The following ZKSCAN5 variants were observed in gnomAD, a reference collection of about 807,000 sequenced individuals.
ZKSCAN5 encodes the protein zinc finger with KRAB and SCAN domains 5, also known as zinc finger protein with KRAB and SCAN domains 5.
Under a neutral mutation model 60.0 loss-of-function variants are expected in ZKSCAN5, and 28 were observed. The ratio of observed to expected loss-of-function variants is 0.47; its 90% confidence interval spans 0.35 to 0.64. The LOEUF (loss-of-function observed/expected upper bound fraction) is 0.64, where lower values mean the gene tolerates loss of function less well. Among genes scored for constraint, ZKSCAN5 ranks in the 30% least tolerant of loss-of-function variants. The pLI is 0.01. For synonymous variants in ZKSCAN5, 361 were observed against 371.2 expected, an observed-to-expected ratio of 0.97 and a Z score of 0.31; for missense variants, 881 against 1,034.6, an observed-to-expected ratio of 0.85 and a Z score of 2.04.
chr7:99,507,543 GTA>G (rs1375290587), intron 2 of ZKSCAN5, among the ~76,000 whole-genome samples: 5 of 139,480 alleles, frequency 3.6e-5, no homozygotes, highest in South Asian at 2.1e-4. Flanking sequence ...ATATATATAT[GTA>G]TATATATGTA....
chr7:99,511,943 C>T lies in ZKSCAN5; in HGVS notation c.415-510C>T, dbSNP rs537525705. 6.6e-5 allele frequency among the ~76,000 whole-genome samples: 10 copies of T among 152,300 alleles called. No homozygotes were observed. The South Asian group carries it at 2.1e-3, about 32-fold the overall frequency. ...TAGCTGGGACTACAGGCGCCCACCA[C>T]CACACCCGGCTAATTTTTTTGTATT... On this transcript the variant is annotated intron_variant, in intron 2 of 6. Transcript: ENST00000326775.
intron 6 of ZKSCAN5, among the ~76,000 whole-genome samples, chr7:99,526,838 A>G (rs565176211): frequency 6.6e-6 from 1 of 152,330 alleles, no homozygotes; most frequent in Non-Finnish European, 1.5e-5. Flanking sequence ...TACAGGCATG[A>G]GCCACTGTGC....
intron 5 of ZKSCAN5, among the ~76,000 whole-genome samples, chr7:99,520,530 G>C (rs1395520573): frequency 6.6e-6 from 1 of 151,802 alleles, no homozygotes. Flanking sequence ...ATAGTACTTG[G>C]GGGGACTGTT....
At position 99,533,777 on chromosome 7, in the gene ZKSCAN5, TTCCC is replaced by T. The variant is rs1185104724; in HGVS notation, c.*1535_*1538del. On this transcript the variant is annotated 3_prime_UTR_variant, in exon 7 of 7. Transcript: ENST00000326775. ...TCTCTCCCTTCTCTATCCTGTTTCA[TTCCC>T]TCCCTCAAAGGCGTTTCCCAAATAA... is the stretch of plus-strand genomic sequence containing the variant. 6 of 394,792 alleles carry T rather than the reference TTCCC, an allele frequency of 1.5e-5. No homozygotes were observed. The East Asian group carries it at 2.2e-4, about 14-fold the overall frequency. 24.5% of individuals were successfully genotyped at this position (394,792 alleles called of 1,614,324 possible). A position where few individuals can be genotyped will look rare whatever the true frequency, so the allele number is the denominator to read the frequency against.
At position 99,533,375 on chromosome 7, in the gene ZKSCAN5, G is replaced by A; in HGVS notation, c.*1126G>A. The A allele has an allele frequency of 1.7e-6, 1 of 589,400 alleles. No homozygotes were observed. The highest frequency in any genetic ancestry group is 3.1e-6 in the Non-Finnish European group (1 of 320,952). 36.5% of individuals were successfully genotyped at this position (589,400 alleles called of 1,614,324 possible). A position where few individuals can be genotyped will look rare whatever the true frequency, so the allele number is the denominator to read the frequency against. On this transcript the variant is annotated 3_prime_UTR_variant, in exon 7 of 7. Transcript: ENST00000326775. The stretch of plus-strand genomic sequence containing the variant: ...TGAGCCTGTTTGCTAGGGAGAGTGA[G>A]TGAGTGCTCTTGGGCACTGCTCAGG...
rs2151123445 is a variant in ZKSCAN5, at chr7:99,534,391, T to A, written c.*2142T>A. ...AGTGGCTAATTTTTAAAAAACATAC[T>A]TTAGCTGGGCGCGGTGGCTCATGCC... On this transcript the variant is annotated 3_prime_UTR_variant, in exon 7 of 7. Coordinates refer to ENST00000326775, the MANE Select transcript of ZKSCAN5 (RefSeq NM_145102.4). 2 of 152,132 alleles carry A rather than the reference T, an allele frequency of 1.3e-5. No individual in the cohort carries two copies. The highest frequency in any genetic ancestry group is 4.2e-4 in the South Asian group (2 of 4,812). The allele number at this position is 152,132 out of a possible 1,614,324, so 9.4% of individuals were successfully genotyped here.
In ZKSCAN5 at chr7:99,531,886, T is replaced by C. The variant is rs147946085; in HGVS notation, c.2157T>C (p.Cys719=). Residue 719 remains cysteine, a synonymous_variant, in exon 7 of 7, where the codon TGT becomes TGC. Transcript: ENST00000326775. The part of the protein sequence containing the change: ...KIELQEQPYQ[C]DICGKAFGYS... ...AGTTACAAGAGCAGCCTTATCAGTGTGATATCTGTGGAAAAGCCTTTGGTT... is the reference window on the plus strand; with the variant it reads ...AGTTACAAGAGCAGCCTTATCAGTGCGATATCTGTGGAAAAGCCTTTGGTT... 48 of 1,614,082 alleles carry C rather than the reference T, an allele frequency of 3.0e-5. No individual in the cohort carries two copies. In the African/African-American group the frequency reaches 6.3e-4, roughly 21 times the overall value.
At chr7:99,530,978 A>G in intron 6 of ZKSCAN5, 130 bp from the exon 7 acceptor site, 3 of 792,878 alleles carry the variant, frequency 3.8e-6, no homozygotes, top group South Asian at 3.6e-5. Flanking sequence ...AATCACTTGA[A>G]CCCAGGAGGC....
intron 2 of ZKSCAN5, 72 bp downstream of exon 2, chr7:99,506,530 T>G (rs1318702539): frequency 8.0e-6 from 12 of 1,496,618 alleles, no homozygotes; most frequent in Non-Finnish European, 1.1e-5. Flanking sequence ...GGTGAGATTC[T>G]TAGTCCTCTG....
chr7:99,517,023 A>G (rs1730631915), intron 3 of ZKSCAN5, among the ~76,000 whole-genome samples: 1 of 152,154 alleles, frequency 6.6e-6, no homozygotes, highest in Non-Finnish European at 1.5e-5. Flanking sequence ...AACACTAACC[A>G]TAGCTGATGA....
Position 99,531,414 on chromosome 7 carries a change from C to T in ZKSCAN5, c.1685C>T (p.Ala562Val). The T allele has an allele frequency of 6.2e-7, 1 of 1,614,186 alleles. No individual in the cohort carries two copies. Among genetic ancestry groups the T allele is most frequent in the Non-Finnish European group, 8.5e-7 (1 of 1,180,034 alleles). ...TGTGGGAAAAGCTTCATTCAGAGTG[C>T]ACATCTTATTCAACATCAAAGAATA... ...NECGKSFIQSAHLIQHQRIHT... is the reference protein window; with the variant it reads ...NECGKSFIQSVHLIQHQRIHT... Residue 562 changes from alanine to valine, a missense_variant, in exon 7 of 7, where the codon GCA (alanine) becomes GTA (valine). This residue lies in a region of ZKSCAN5 where 490 missense variants were observed against 554.5 expected (regional missense o/e 0.88). Coordinates refer to ENST00000326775, the MANE Select transcript of ZKSCAN5 (RefSeq NM_145102.4).
rs776913950 is a variant in ZKSCAN5 at position 99,533,946 on chromosome 7, G to GGCGACCTGC, written c.*1698_*1699insCGACCTGCG. The GGCGACCTGC allele has an allele frequency of 2.9e-5, 7 of 245,346 alleles. No individual in the cohort carries two copies. The highest frequency in any genetic ancestry group is 5.4e-5 in the Non-Finnish European group (7 of 129,354). 15.2% of individuals were successfully genotyped at this position (245,346 alleles called of 1,614,324 possible). A position where few individuals can be genotyped will look rare whatever the true frequency, so the allele number is the denominator to read the frequency against. On this transcript the variant is annotated 3_prime_UTR_variant, in exon 7 of 7. Transcript: ENST00000326775. ...TGTGGAGTTGGTCACTCGCCAGGAG[G>GGCGACCTGC]GAGTGAAGACCCGCATCACTGTTAA...
chr7:99,513,342 T>G (rs1054169520), intron 3 of ZKSCAN5, among the ~76,000 whole-genome samples: 3 of 152,046 alleles, frequency 2.0e-5, no homozygotes, highest in African/African-American at 4.8e-5. Context: ...TGTTAAAAGA[T>G]CTACACGTCT....
chr7:99,531,441 A>G lies in ZKSCAN5; in HGVS notation c.1712A>G (p.His571Arg). ...SAHLIQHQRI[H>R]TGEKPFRCEE... is the part of the protein sequence containing the mutation. ...CATCTTATTCAACATCAAAGAATACACACTGGGGAGAAACCATTCAGGTGT... is the reference window on the plus strand; with the variant it reads ...CATCTTATTCAACATCAAAGAATACGCACTGGGGAGAAACCATTCAGGTGT... Residue 571 changes from histidine (H) to arginine (R), a missense_variant, in exon 7 of 7, where the codon CAC becomes CGC. Physicochemically the swap from His to Arg is conservative, Grantham distance 29. This residue lies in a region of ZKSCAN5 where 490 missense variants were observed against 554.5 expected (regional missense o/e 0.88). Transcript: ENST00000326775. The G allele has an allele frequency of 1.2e-6, 2 of 1,614,238 alleles. No individual in the cohort carries two copies. Among genetic ancestry groups the G allele is most frequent in the Non-Finnish European group, 1.7e-6 (2 of 1,180,040 alleles).
chr7:99,514,299 G>A (rs1270650687), intron 3 of ZKSCAN5, among the ~76,000 whole-genome samples: 1 of 152,068 alleles, frequency 6.6e-6, no homozygotes, highest in Non-Finnish European at 1.5e-5. Context: ...TAGAATCTCT[G>A]TTACACTTTC....
chr7:99,531,666 C>G lies in ZKSCAN5; in HGVS notation c.1937C>G (p.Ser646Cys). 1.9e-6 allele frequency: 3 copies of G among 1,614,180 alleles called. No homozygotes were observed. The highest frequency in any genetic ancestry group is 2.5e-6 in the Non-Finnish European group (3 of 1,180,042). ...NECGKGFGRR[S>C]HLAGHLRLHS... is the part of the protein sequence containing the mutation. Reference sequence around the variant, plus strand: ...TGTGGGAAAGGCTTTGGGAGGCGTTCCCACCTGGCTGGACATCTTCGACTC... The same window carrying G: ...TGTGGGAAAGGCTTTGGGAGGCGTTGCCACCTGGCTGGACATCTTCGACTC... The change falls in exon 7 of 7, where the codon TCC (serine) becomes TGC (cysteine). Residue 646 changes from serine to cysteine, a missense_variant. Ser to Cys is a moderately radical substitution (Grantham distance 112). This residue lies in a region of ZKSCAN5 where 112 missense variants were observed against 182.4 expected (regional missense o/e 0.61). Coordinates refer to ENST00000326775, the MANE Select transcript of ZKSCAN5 (RefSeq NM_145102.4).
Position 99,531,988 on chromosome 7 carries a change from T to C in ZKSCAN5, c.2259T>C (p.Asn753=). 1 of 1,614,128 alleles carries C rather than the reference T, an allele frequency of 6.2e-7. No homozygotes were observed. Among genetic ancestry groups the C allele is most frequent in the South Asian group, 1.1e-5 (1 of 91,078 alleles). ...KPYQCDICRE[N]VGQCSHTKQH... ...ATCAATGTGATATATGTAGAGAAAA[T>C]GTTGGCCAGTGTTCCCACACCAAAC... The change falls in exon 7 of 7, where the codon AAT becomes AAC. Residue 753 remains asparagine (N), a synonymous_variant. Transcript: ENST00000326775.
Position 99,532,308 on chromosome 7 carries a change from A to C in ZKSCAN5, c.*59A>C. 1 of 1,465,668 alleles carries C rather than the reference A, an allele frequency of 6.8e-7. No homozygotes were observed. 90.8% of individuals were successfully genotyped at this position (1,465,668 alleles called of 1,614,324 possible). ...GGGAAACCATACTCCTATAATGAGC[A>C]AAGTAACAACTTCAAGCATTTTTCC... On this transcript the variant is annotated 3_prime_UTR_variant, in exon 7 of 7. Transcript: ENST00000326775.
rs61740792 is a variant in ZKSCAN5, at chr7:99,526,369, G to A, written c.1329G>A (p.Ser443=). Reference sequence around the variant, plus strand: ...GTGGGAAGAACTTCGGTCGCCATTCGCATCTGATCGAACACCTAAAACGCC... The same window carrying A: ...GTGGGAAGAACTTCGGTCGCCATTCACATCTGATCGAACACCTAAAACGCC... The part of the protein sequence containing the change: ...NECGKNFGRH[S]HLIEHLKRHF... Residue 443 remains serine (S), a synonymous_variant, in exon 6 of 7, where the codon TCG becomes TCA. Transcript: ENST00000326775. 2,143 of 1,603,382 alleles carry A rather than the reference G, an allele frequency of 1.3e-3. 26 individuals carry two copies. In the African/African-American group the frequency reaches 0.026, roughly 20 times the overall value.
Sources: allele counts gnomAD v4.1 joint callset (sites outside exome capture counted in the v4.1 genomes callset), GRCh38; gene constraint gnomAD v4.1.1; regional missense constraint gnomAD v4.1.1; transcripts MANE v1.5; gene names NCBI Gene and HGNC (gene_info 2026-07-23, HGNC 2026-07-21).